Variants in AKAP13 observed in about 807,000 individuals in gnomAD.
AKAP13 encodes the protein A-kinase anchor protein 13.
In AKAP13, 80 loss-of-function variants were observed where a neutral mutation model predicts 264.5. That is an observed-to-expected ratio of 0.30 (90% CI 0.25 to 0.36). AKAP13 has a LOEUF of 0.36. AKAP13 is among the 10% of genes least tolerant of loss of function. AKAP13 has a pLI of 1.00. For missense variants in AKAP13, 3,712 were observed against 3,435.2 expected (o/e 1.08, Z -2.01); for synonymous variants, 1,380 against 1,250.2 (o/e 1.10, Z -2.19).
chr15:85,657,319 C>G (rs2083144679), intron 11 of AKAP13, among the ~76,000 whole-genome samples: 1 of 152,200 alleles, frequency 6.6e-6, no homozygotes, highest in Non-Finnish European at 1.5e-5. Flanking sequence ...AGACTCTGCT[C>G]TAGGTTCTGG....
rs767757712 is a variant in AKAP13, at chr15:85,543,784, G to A, written c.491G>A (p.Arg164Gln). ...CCCCCATTTACAGATGCTGGCCCGC[G>A]AGAGACATTGATGCATTTTGCTGTG... Reference protein sequence around the residue: ...TDQSLHDAGPRETLMHFAVRL... With the variant: ...TDQSLHDAGPQETLMHFAVRL... Residue 164 changes from arginine to glutamine, a missense_variant, in exon 5 of 37, where the codon CGA becomes CAA. Arg to Gln is a conservative substitution (Grantham distance 43, BLOSUM62 1). This residue lies in a region of AKAP13 where 2,759 missense variants were observed against 2,411.7 expected (regional missense o/e 1.14). Transcript: ENST00000394518. The A allele has an allele frequency of 1.9e-5, 30 of 1,604,592 alleles. No homozygotes were observed. Among genetic ancestry groups the A allele is most frequent in the Middle Eastern group, 3.3e-4 (2 of 6,054 alleles).
intron 1 of AKAP13, among the ~76,000 whole-genome samples, chr15:85,387,343 C>CAAAA (rs1185989518): frequency 6.6e-6 from 1 of 151,566 alleles, no homozygotes; most frequent in African/African-American, 2.4e-5. Flanking sequence ...CTTAAAAAAA[C>CAAAA]AAAAAAAGAT....
At chr15:85,632,244 G>T (rs2081870991) in intron 8 of AKAP13, among the ~76,000 whole-genome samples, 1 of 152,120 alleles carries the variant, frequency 6.6e-6, no homozygotes, top group African/African-American at 2.4e-5. Flanking sequence ...CTTCTCGTTG[G>T]TTCTCCTTGC....
intron 8 of AKAP13, among the ~76,000 whole-genome samples, chr15:85,615,475 C>T (rs1025782662): frequency 6.6e-6 from 1 of 152,230 alleles, no homozygotes; most frequent in Non-Finnish European, 1.5e-5. Context: ...TTTCACCTCT[C>T]AAATATTCAT....
intron 20 of AKAP13, 65 bp downstream of exon 20, chr15:85,715,988 C>A: frequency 7.1e-5 from 98 of 1,375,940 alleles, no homozygotes; most frequent in Non-Finnish European, 9.2e-5. Context: ...ATAATCACAT[C>A]ATATGACAAA....
At chr15:85,455,166 G>T (rs1451726501) in intron 1 of AKAP13, among the ~76,000 whole-genome samples, 1 of 151,960 alleles carries the variant, frequency 6.6e-6, no homozygotes, top group Non-Finnish European at 1.5e-5. Flanking sequence ...GCCTTTTAAT[G>T]TATTAATGTT....
chr15:85,669,144 G>A (rs374127574), intron 13 of AKAP13, among the ~76,000 whole-genome samples: 1 of 152,118 alleles, frequency 6.6e-6, no homozygotes, highest in East Asian at 1.9e-4. Context: ...TCTGAGGCAG[G>A]AGAATTGTTG....
chr15:85,475,291 C>T (rs1419671726), intron 1 of AKAP13, among the ~76,000 whole-genome samples: 1 of 152,156 alleles, frequency 6.6e-6, no homozygotes, highest in Non-Finnish European at 1.5e-5. Context: ...GAATTATGGC[C>T]TTCCTCTCCT....
chr15:85,646,087 A>G, intron 10 of AKAP13, 133 bp downstream of exon 10: 1 of 1,170,168 alleles, frequency 8.5e-7, no homozygotes, highest in Admixed American at 2.4e-5. Context: ...CCTGCTAGTA[A>G]GTTGTGATCC....
At position 85,520,006 on chromosome 15, in the gene AKAP13, A is replaced by G. The variant is rs182006016; in HGVS notation, c.34-1422A>G. ...GCCTTCTCTAGATTGATTTTTCTAT[A>G]GTGCATTATTAAGATTTATATAGTA... On this transcript the variant is annotated intron_variant, in intron 2 of 36. Transcript: ENST00000394518. Among the ~76,000 whole-genome samples the G allele has an allele frequency of 1.1e-4, 16 of 152,274 alleles. No homozygotes were observed. In the East Asian group the frequency reaches 2.9e-3, roughly 28 times the overall value.
At chr15:85,539,240 A>G (rs2077505501) in intron 4 of AKAP13, among the ~76,000 whole-genome samples, 1 of 152,202 alleles carries the variant, frequency 6.6e-6, no homozygotes, top group African/African-American at 2.4e-5. Flanking sequence ...ATATTTATTG[A>G]TCCCAAGACT....
intron 1 of AKAP13, among the ~76,000 whole-genome samples, chr15:85,399,035 T>C (rs1459062124): frequency 6.6e-6 from 1 of 152,178 alleles, no homozygotes; most frequent in Non-Finnish European, 1.5e-5. Context: ...CTTGTTTACT[T>C]TGTTAGAGAA....
At chr15:85,707,383 T>C (rs2151687547) in intron 17 of AKAP13, among the ~76,000 whole-genome samples, 1 of 152,302 alleles carries the variant, frequency 6.6e-6, no homozygotes, top group South Asian at 2.1e-4. Flanking sequence ...GTCTCCATTT[T>C]CTCTTAAGTC....
intron 10 of AKAP13, among the ~76,000 whole-genome samples, chr15:85,647,927 C>G (rs547684002): frequency 4.6e-5 from 7 of 151,046 alleles, no homozygotes; most frequent in Non-Finnish European, 1.0e-4. Flanking sequence ...GACTCCATCT[C>G]AAAAAAACAA....
chr15:85,525,216 C>G (rs768054932), intron 3 of AKAP13, among the ~76,000 whole-genome samples: 2 of 151,926 alleles, frequency 1.3e-5, no homozygotes, highest in Non-Finnish European at 2.9e-5. Flanking sequence ...CACCACCACA[C>G]CTGGCTAATT....
At chr15:85,392,606 G>C (rs1049262477) in intron 1 of AKAP13, among the ~76,000 whole-genome samples, 2 of 152,014 alleles carry the variant, frequency 1.3e-5, no homozygotes, top group Non-Finnish European at 2.9e-5. Context: ...AGGTTTTGCC[G>C]TGTTGCCTAG....
At chr15:85,595,602 A>G (rs575478725) in intron 8 of AKAP13, among the ~76,000 whole-genome samples, 53 of 152,334 alleles carry the variant, frequency 3.5e-4, no homozygotes, top group African/African-American at 1.0e-3. Flanking sequence ...CTGAAACGTA[A>G]TGGTGTTTCC....
intron 2 of AKAP13, among the ~76,000 whole-genome samples, chr15:85,520,189 A>G (rs2076764234): frequency 2.6e-5 from 4 of 152,076 alleles, no homozygotes; most frequent in South Asian, 4.1e-4. Flanking sequence ...AAATCAATAT[A>G]TAAAAACTAC....
At chr15:85,543,180 A>G (rs1428861069) in intron 4 of AKAP13, among the ~76,000 whole-genome samples, 1 of 152,226 alleles carries the variant, frequency 6.6e-6, no homozygotes, top group Non-Finnish European at 1.5e-5. Context: ...CTCTCATTAA[A>G]CAAATAAATA....
Sources: allele counts gnomAD v4.1 joint callset (sites outside exome capture counted in the v4.1 genomes callset), GRCh38; gene constraint gnomAD v4.1.1; regional missense constraint gnomAD v4.1.1; transcripts MANE v1.5; gene names NCBI Gene and HGNC (gene_info 2026-07-23, HGNC 2026-07-21).